MAGI2: variants seen among roughly 807,000 people sequenced by gnomAD.
The protein encoded by MAGI2 is membrane associated guanylate kinase, WW and PDZ domain containing 2.
In MAGI2, 35 loss-of-function variants were observed where a neutral mutation model predicts 133.3. The observed-to-expected ratio is 0.26, with a 90% CI of 0.20 to 0.35. The LOEUF is 0.35. MAGI2 is among the 10% of genes least tolerant of loss of function. MAGI2 has a pLI of 1.00. For synonymous variants in MAGI2, 729 were observed against 710.6 expected (o/e 1.03, Z -0.41); for missense variants, 1,636 against 1,863.4 (o/e 0.88, Z 2.25).
rs1357026707 is a variant in MAGI2, at chr7:79,453,143, A to G, written c.178T>C (p.Leu60=). The G allele has an allele frequency of 1.2e-6, 2 of 1,613,382 alleles. No individual in the cohort carries two copies. The highest frequency in any genetic ancestry group is 1.7e-6 in the Non-Finnish European group (2 of 1,179,898). Residue 60 remains leucine (L), a synonymous_variant, in exon 1 of 22, where the codon TTG becomes CTG. Coordinates refer to ENST00000354212, the MANE Select transcript of MAGI2 (RefSeq NM_012301.4). ...TCCAGCAGCAGCTCCTCCGACACCA[A>G]TTTGCTGCCGCTCTCATAGGCCACC... ...GKVAYESGSK[L]VSEELLLEVN...
rs138543051 is a variant in MAGI2 at position 78,203,388 on chromosome 7, T to C, written c.2048-2195A>G. 8.4e-3 allele frequency among the ~76,000 whole-genome samples: 1,277 copies of C among 152,322 alleles called. 22 individuals are homozygous for C. Among genetic ancestry groups the C allele is most frequent in the African/African-American group, 0.03 (1,238 of 41,580 alleles). ...TAATCATCTACCGTCTCAGGAGTTA[T>C]GGTGTCAGAACTAAAATGGTGTAAG... On this transcript the variant is annotated intron_variant, in intron 10 of 21. Coordinates refer to ENST00000354212, the MANE Select transcript of MAGI2 (RefSeq NM_012301.4).
At chr7:79,265,227 C>T (rs1834358307) in intron 1 of MAGI2, among the ~76,000 whole-genome samples, 1 of 152,138 alleles carries the variant, frequency 6.6e-6, no homozygotes. Flanking sequence ...CATTCAGACT[C>T]CAGACTTACT....
intron 2 of MAGI2, among the ~76,000 whole-genome samples, chr7:78,635,438 G>A (rs896003140): frequency 6.6e-6 from 1 of 152,186 alleles, no homozygotes; most frequent in Non-Finnish European, 1.5e-5. Context: ...ATGGCTCAGT[G>A]CAGTCATCTA....
chr7:78,967,117 A>G (rs1261545446), intron 2 of MAGI2, among the ~76,000 whole-genome samples: 1 of 150,960 alleles, frequency 6.6e-6, no homozygotes, highest in Non-Finnish European at 1.5e-5. Context: ...TTTTTTTTAA[A>G]TTTTCCTTAA....
chr7:78,335,440 T>G (rs976242651), intron 9 of MAGI2, among the ~76,000 whole-genome samples: 1 of 152,184 alleles, frequency 6.6e-6, no homozygotes, highest in African/African-American at 2.4e-5. Flanking sequence ...AAAATCTGAC[T>G]AGTCTTCAAA....
chr7:78,585,963 C>T (rs1051284695), intron 3 of MAGI2, among the ~76,000 whole-genome samples: 2 of 152,128 alleles, frequency 1.3e-5, no homozygotes, highest in Non-Finnish European at 2.9e-5. Context: ...GAGCTCAATT[C>T]GTGATAACAT....
chr7:78,957,562 G>T (rs142215484), intron 2 of MAGI2, among the ~76,000 whole-genome samples: 48 of 152,170 alleles, frequency 3.2e-4, no homozygotes, highest in African/African-American at 1.1e-3. Context: ...TATAATAAGA[G>T]CTTAGCTTTC....
intron 3 of MAGI2, among the ~76,000 whole-genome samples, chr7:78,565,969 G>A (rs542184729): frequency 2.6e-4 from 40 of 152,296 alleles, no homozygotes; most frequent in African/African-American, 8.4e-4. Flanking sequence ...TCTGTAAAAT[G>A]AGGATAATGC....
At chr7:79,094,478 G>T in intron 1 of MAGI2, among the ~76,000 whole-genome samples, 1 of 152,172 alleles carries the variant, frequency 6.6e-6, no homozygotes, top group East Asian at 1.9e-4. Context: ...AATATTTGGA[G>T]CTCCTCCCAT....
chr7:78,666,761 C>G (rs897703325), intron 2 of MAGI2, among the ~76,000 whole-genome samples: 4 of 152,186 alleles, frequency 2.6e-5, no homozygotes, highest in Non-Finnish European at 5.9e-5. Flanking sequence ...ATACTGCTCT[C>G]TTTACTTTTC....
At chr7:78,731,013 A>C (rs1331492096) in intron 2 of MAGI2, among the ~76,000 whole-genome samples, 4 of 151,998 alleles carry the variant, frequency 2.6e-5, no homozygotes, top group African/African-American at 4.8e-5. Context: ...CACAAGGCCA[A>C]CTTTTCTTGT....
intron 2 of MAGI2, among the ~76,000 whole-genome samples, chr7:78,990,700 A>G (rs1338916196): frequency 6.6e-6 from 1 of 152,076 alleles, no homozygotes; most frequent in Non-Finnish European, 1.5e-5. Context: ...AATAATAGAA[A>G]GGTACATTGA....
intron 2 of MAGI2, among the ~76,000 whole-genome samples, chr7:78,939,464 T>C (rs1800802604): frequency 6.6e-6 from 1 of 152,132 alleles, no homozygotes; most frequent in African/African-American, 2.4e-5. Flanking sequence ...GGCAGCTCCA[T>C]TTGTAAGTAG....
At chr7:78,759,861 G>A (rs1464856193) in intron 2 of MAGI2, among the ~76,000 whole-genome samples, 1 of 152,084 alleles carries the variant, frequency 6.6e-6, no homozygotes, top group Non-Finnish European at 1.5e-5. Context: ...GGGGATGGTG[G>A]CTCACACCTG....
chr7:79,074,805 A>G (rs1197188609), intron 1 of MAGI2, among the ~76,000 whole-genome samples: 3 of 152,232 alleles, frequency 2.0e-5, no homozygotes, highest in African/African-American at 7.2e-5. Context: ...AGTATAATTC[A>G]GTTAATATTT....
chr7:78,151,419 C>A (rs973278498), intron 16 of MAGI2, among the ~76,000 whole-genome samples: 1 of 152,160 alleles, frequency 6.6e-6, no homozygotes, highest in African/African-American at 2.4e-5. Context: ...GGTGCTCACA[C>A]AGATGGATGA....
chr7:78,181,037 A>T (rs984842465), intron 13 of MAGI2, among the ~76,000 whole-genome samples: 4 of 149,540 alleles, frequency 2.7e-5, no homozygotes, highest in Admixed American at 2.0e-4. Flanking sequence ...AACTAAAATT[A>T]TATGTACAAA....
At chr7:79,087,247 T>A (rs191281775) in intron 1 of MAGI2, among the ~76,000 whole-genome samples, 1 of 152,060 alleles carries the variant, frequency 6.6e-6, no homozygotes, top group African/African-American at 2.4e-5. Flanking sequence ...ATTAAATATA[T>A]TCATTTAGAG....
At chr7:78,606,801 C>A (rs1046258453) in intron 3 of MAGI2, among the ~76,000 whole-genome samples, 1 of 150,288 alleles carries the variant, frequency 6.7e-6, no homozygotes, top group Admixed American at 6.7e-5. Context: ...GTTAACATGC[C>A]CTTGTATTCT....
Sources: gnomAD v4.1 joint callset for allele counts (sites outside exome capture counted in the v4.1 genomes callset) on GRCh38, gnomAD v4.1.1 for gene constraint, MANE v1.5 for transcripts, NCBI Gene and HGNC (gene_info 2026-07-23, HGNC 2026-07-21) for gene names.